ZNF609: variants seen among roughly 807,000 people sequenced by gnomAD.
The protein encoded by ZNF609 is zinc finger protein 609.
A neutral mutation model predicts 109.5 loss-of-function variants in ZNF609; 11 were observed. The ratio of observed to expected loss-of-function variants is 0.10; its 90% CI spans 0.06 to 0.17. The LOEUF is 0.17. Among genes scored for constraint, ZNF609 ranks in the 10% least tolerant of loss-of-function variants. The pLI, the probability that ZNF609 is intolerant of heterozygous loss-of-function variation, is 1.00. For missense variants in ZNF609, 1,559 were observed against 1,772.4 expected (o/e 0.88, Z 2.16); for synonymous variants, 646 against 662.0 (o/e 0.98, Z 0.37).
chr15:64,577,814 G>A (rs879455215), intron 2 of ZNF609, among the ~76,000 whole-genome samples: 2 of 151,030 alleles, frequency 1.3e-5, no homozygotes, highest in Non-Finnish European at 1.5e-5. Flanking sequence ...AGCAGAGATC[G>A]CACCACTGCA....
intron 3 of ZNF609, among the ~76,000 whole-genome samples, chr15:64,624,541 T>G (rs1302644735): frequency 6.6e-6 from 1 of 152,076 alleles, no homozygotes; most frequent in Non-Finnish European, 1.5e-5. Context: ...AAGAACAAGA[T>G]GCTTTTTTTA....
chr15:64,583,469 A>G (rs1327279446), intron 2 of ZNF609, among the ~76,000 whole-genome samples: 2 of 152,140 alleles, frequency 1.3e-5, no homozygotes, highest in African/African-American at 2.4e-5. Flanking sequence ...TACTATAGGA[A>G]GGAGTTGATT....
Position 64,674,149 on chromosome 15 carries a change from C to G in ZNF609, c.1295C>G (p.Ala432Gly). 6.2e-7 allele frequency: 1 copy of G among 1,614,174 alleles called. No individual in the cohort carries two copies. Reference protein sequence around the residue: ...PASSTSEDVKASPSSANKRKN... With the variant: ...PASSTSEDVKGSPSSANKRKN... ...AGCAGCACTTCTGAGGATGTCAAGG[C>G]CAGCCCTTCCTCAGCTAATAAGCGG... The change falls in exon 5 of 10, where the codon GCC becomes GGC. Residue 432 changes from alanine (A) to glycine (G), a missense_variant. Transcript: ENST00000326648.
At chr15:64,575,929 C>T (rs769843561) in intron 2 of ZNF609, among the ~76,000 whole-genome samples, 4 of 152,076 alleles carry the variant, frequency 2.6e-5, no homozygotes, top group African/African-American at 4.8e-5. Flanking sequence ...AGTGAAACCC[C>T]GTCTCTTCTA....
At chr15:64,560,502 TC>T (rs1894658735) in intron 2 of ZNF609, among the ~76,000 whole-genome samples, 1 of 152,126 alleles carries the variant, frequency 6.6e-6, no homozygotes, top group Admixed American at 6.6e-5. Flanking sequence ...ATCGAAATAT[TC>T]TTTCATACTC....
intron 2 of ZNF609, among the ~76,000 whole-genome samples, chr15:64,509,256 A>G (rs924104561): frequency 6.6e-6 from 1 of 152,224 alleles, no homozygotes; most frequent in Non-Finnish European, 1.5e-5. Context: ...TCAGAGCAGA[A>G]GAGCAGAAAA....
At chr15:64,483,817 A>C (rs1201290172) in intron 1 of ZNF609, among the ~76,000 whole-genome samples, 1 of 152,226 alleles carries the variant, frequency 6.6e-6, no homozygotes, top group Non-Finnish European at 1.5e-5. Context: ...GACTGTAAGC[A>C]CACATCATCA....
At chr15:64,524,727 G>A (rs1835774018) in intron 2 of ZNF609, among the ~76,000 whole-genome samples, 1 of 152,036 alleles carries the variant, frequency 6.6e-6, no homozygotes, top group African/African-American at 2.4e-5. Flanking sequence ...AGGGATATTT[G>A]GGTTTTTTCC....
intron 1 of ZNF609, among the ~76,000 whole-genome samples, chr15:64,472,708 A>G (rs563421086): frequency 7.2e-4 from 109 of 152,248 alleles, no homozygotes; most frequent in African/African-American, 2.4e-3. Context: ...AAAAAATTTG[A>G]AAACCTGCCA....
chr15:64,516,286 A>C (rs1457681503), intron 2 of ZNF609, among the ~76,000 whole-genome samples: 1 of 152,102 alleles, frequency 6.6e-6, no homozygotes. Flanking sequence ...ATATTTTTTA[A>C]TTTTTAAAAT....
chr15:64,553,084 G>C (rs1595716103), intron 2 of ZNF609, among the ~76,000 whole-genome samples: 2 of 152,044 alleles, frequency 1.3e-5, no homozygotes, highest in Admixed American at 1.3e-4. Context: ...ATAGATGTGT[G>C]GTTCTATTTC....
chr15:64,665,736 A>G (rs1209605958), intron 3 of ZNF609, among the ~76,000 whole-genome samples: 1 of 152,104 alleles, frequency 6.6e-6, no homozygotes, highest in Non-Finnish European at 1.5e-5. Flanking sequence ...GAGAAACCCC[A>G]TATCTACTAA....
intron 2 of ZNF609, among the ~76,000 whole-genome samples, chr15:64,605,503 A>G (rs1040908280): frequency 6.6e-5 from 10 of 152,310 alleles, no homozygotes; most frequent in African/African-American, 2.4e-4. Flanking sequence ...AGATACTACC[A>G]TTACCATTAT....
At chr15:64,619,022 A>C (rs981668054) in intron 2 of ZNF609, among the ~76,000 whole-genome samples, 2 of 151,924 alleles carry the variant, frequency 1.3e-5, no homozygotes, top group African/African-American at 4.8e-5. Context: ...TCTACCCAGC[A>C]CTTCCCTTAC....
At chr15:64,482,030 G>T (rs1291869266) in intron 1 of ZNF609, among the ~76,000 whole-genome samples, 1 of 152,176 alleles carries the variant, frequency 6.6e-6, no homozygotes, top group Non-Finnish European at 1.5e-5. Flanking sequence ...TGATCCGCCT[G>T]CCTTGGCCTC....
At chr15:64,528,845 T>A in intron 2 of ZNF609, 1 of 856,034 alleles carries the variant, frequency 1.2e-6, no homozygotes, top group South Asian at 1.4e-5. Flanking sequence ...CTGGTGCTCA[T>A]TGTAGCCCAG....
intron 2 of ZNF609, among the ~76,000 whole-genome samples, chr15:64,536,342 G>A (rs183241068): frequency 3.4e-4 from 52 of 152,200 alleles, no homozygotes; most frequent in African/African-American, 1.2e-3. Context: ...TTTTAGAAGT[G>A]GTTTATGACT....
chr15:64,679,529 C>T (rs1457076825), intron 6 of ZNF609, among the ~76,000 whole-genome samples: 2 of 152,176 alleles, frequency 1.3e-5, no homozygotes, highest in Non-Finnish European at 2.9e-5. Context: ...ATAGTCTCAA[C>T]ATTCTGGTGA....
intron 3 of ZNF609, among the ~76,000 whole-genome samples, chr15:64,669,047 A>G (rs545773950): frequency 6.2e-4 from 95 of 152,246 alleles, no homozygotes; most frequent in African/African-American, 2.2e-3. Flanking sequence ...GCAAAGAACA[A>G]AATGAGAACA....
Sources: gnomAD v4.1 joint callset for allele counts (sites outside exome capture counted in the v4.1 genomes callset) on GRCh38, gnomAD v4.1.1 for gene constraint, MANE v1.5 for transcripts, NCBI Gene and HGNC (gene_info 2026-07-23, HGNC 2026-07-21) for gene names.